The following EPS15L1 variants were observed in gnomAD, a reference collection of about 807,000 sequenced individuals.
EPS15L1 encodes epidermal growth factor receptor pathway substrate 15 like 1.
A neutral mutation model predicts 117.1 loss-of-function variants in EPS15L1; 43 were observed. The ratio of observed to expected loss-of-function variants is 0.37; its 90% CI spans 0.29 to 0.47. EPS15L1 has a LOEUF of 0.47. EPS15L1 is among the 20% of genes least tolerant of loss of function. The pLI is 0.99. For synonymous variants in EPS15L1, 459 were observed against 470.5 expected (o/e 0.98, Z 0.32); for missense variants, 981 against 1,164.0 (o/e 0.84, Z 2.29).
At chr19:16,400,356 C>CA (rs377693014) in intron 16 of EPS15L1, among the ~76,000 whole-genome samples, 221 of 122,878 alleles carry the variant, frequency 1.8e-3, no homozygotes, top group South Asian at 3.0e-3. Context: ...AAAACAAAAA[C>CA]AAAAAAAAAA....
chr19:16,425,352 A>C, intron 8 of EPS15L1, 36 bp from the exon 9 acceptor site: 2 of 1,450,920 alleles, frequency 1.4e-6, no homozygotes, highest in Non-Finnish European at 1.9e-6. Context: ...TGAAGGGGCA[A>C]GGCTGGGGCC....
intron 8 of EPS15L1, among the ~76,000 whole-genome samples, chr19:16,426,147 T>A (rs1399990700): frequency 1.3e-5 from 2 of 152,176 alleles, no homozygotes; most frequent in African/African-American, 4.8e-5. Flanking sequence ...CTTGACCCAG[T>A]GATGAATGTC....
intron 16 of EPS15L1, among the ~76,000 whole-genome samples, chr19:16,398,994 G>GT (rs201394637): frequency 0.11 from 16,987 of 148,658 alleles, 1,023 homozygotes; most frequent in Admixed American, 0.15. Flanking sequence ...TATTTATAAG[G>GT]TTTTTTTTTT....
At chr19:16,427,944 C>T (rs1450041691) in intron 8 of EPS15L1, among the ~76,000 whole-genome samples, 1 of 151,028 alleles carries the variant, frequency 6.6e-6, no homozygotes, top group Non-Finnish European at 1.5e-5. Context: ...TGGCTCACGC[C>T]TGTAATCCCA....
chr19:16,369,248 G>A (rs145452438), intron 22 of EPS15L1, among the ~76,000 whole-genome samples: 1 of 152,308 alleles, frequency 6.6e-6, no homozygotes, highest in African/African-American at 2.4e-5. Context: ...GCTGTGTCAA[G>A]CAGCACAGCC....
intron 21 of EPS15L1, among the ~76,000 whole-genome samples, chr19:16,378,118 G>A (rs1483170490): frequency 2.0e-5 from 3 of 152,028 alleles, no homozygotes; most frequent in Non-Finnish European, 4.4e-5. Flanking sequence ...GCGGGTGGGT[G>A]GATGGATGGA....
At chr19:16,447,206 G>T (rs1226993214) in intron 1 of EPS15L1, among the ~76,000 whole-genome samples, 2 of 152,252 alleles carry the variant, frequency 1.3e-5, no homozygotes, top group East Asian at 1.9e-4. Context: ...ACATTCAAAA[G>T]GCATCAGGGA....
intron 1 of EPS15L1, among the ~76,000 whole-genome samples, chr19:16,464,806 G>A (rs901474673): frequency 1.3e-4 from 19 of 151,904 alleles, no homozygotes; most frequent in African/African-American, 3.6e-4. Context: ...ATTCACGGGT[G>A]GGCATGGTGG....
Position 16,417,966 on chromosome 19 carries a change from C to T in EPS15L1, c.1089G>A (p.Glu363=). The T allele has an allele frequency of 6.2e-7, 1 of 1,613,782 alleles. No individual in the cohort carries two copies. The highest frequency in any genetic ancestry group is 2.2e-5 in the East Asian group (1 of 44,886). ...VLSPDMVPPS[E]RGTPGPDSSG... is the part of the protein sequence containing the mutation. ...CACTCACCGGGCCGGGCGTGCCTCT[C>T]TCCGAAGGCGGGACCATGTCCGGCG... The change falls in exon 11 of 24, where the codon GAG becomes GAA. Residue 363 remains glutamate (E), a synonymous_variant. Coordinates refer to ENST00000455140, the MANE Select transcript of EPS15L1 (RefSeq NM_001258374.3).
At chr19:16,452,785 ATTTTATTT>A (rs1039077457) in intron 1 of EPS15L1, among the ~76,000 whole-genome samples, 119 of 151,954 alleles carry the variant, frequency 7.8e-4, no homozygotes, top group African/African-American at 2.4e-3. Context: ...CTCTACATCT[ATTTTATTT>A]TTTTATTTTT....
chr19:16,451,462 T>C (rs1399663435), intron 1 of EPS15L1, among the ~76,000 whole-genome samples: 2 of 152,144 alleles, frequency 1.3e-5, no homozygotes, highest in Admixed American at 6.5e-5. Context: ...TGTGGTTATG[T>C]AAAGGAAAAC....
intron 9 of EPS15L1, among the ~76,000 whole-genome samples, chr19:16,422,710 A>G (rs2092829010): frequency 6.6e-6 from 1 of 152,194 alleles, no homozygotes; most frequent in Non-Finnish European, 1.5e-5. Flanking sequence ...TAATCCCAGC[A>G]CTTTGGGAGG....
At chr19:16,419,710 C>A (rs527487663) in intron 10 of EPS15L1, among the ~76,000 whole-genome samples, 201 of 152,358 alleles carry the variant, frequency 1.3e-3, no homozygotes, top group African/African-American at 4.6e-3. Context: ...GTGAACAGAG[C>A]TGCGGAGAAT....
rs1395908019 is a variant in EPS15L1, at chr19:16,417,411, C to G, written c.1193+141G>C. Reference sequence around the variant, plus strand: ...CAAGCCCCTTGAGCCAGTTTAGGACCTCAGAAGCTGTATCTTTTCCTTCCT... The same window carrying G: ...CAAGCCCCTTGAGCCAGTTTAGGACGTCAGAAGCTGTATCTTTTCCTTCCT... On this transcript the variant is annotated intron_variant, in intron 12 of 23. Transcript: ENST00000455140. 4 of 718,524 alleles carry G rather than the reference C, an allele frequency of 5.6e-6. No individual in the cohort carries two copies. The African/African-American group carries it at 7.1e-5, about 13-fold the overall frequency. 44.5% of individuals were successfully genotyped at this position (718,524 alleles called of 1,614,324 possible). A position where few individuals can be genotyped will look rare whatever the true frequency, so the allele number is the denominator to read the frequency against.
chr19:16,449,962 T>C (rs1356764555), intron 1 of EPS15L1, among the ~76,000 whole-genome samples: 2 of 151,720 alleles, frequency 1.3e-5, no homozygotes, highest in South Asian at 2.1e-4. Flanking sequence ...ATTGTAGAAA[T>C]GAACAGAGTG....
Position 16,413,857 on chromosome 19 carries a change from A to C in EPS15L1, c.1194-12T>G, listed in dbSNP as rs2092731371. On this transcript the variant is annotated splice_polypyrimidine_tract_variant and intron_variant, in intron 12 of 23. Coordinates refer to ENST00000455140, the MANE Select transcript of EPS15L1 (RefSeq NM_001258374.3). Reference sequence around the variant, plus strand: ...GTGAATATTTCTCTCTGAATGTTTAAAAATATTTCATGAAAACAAGAGTGA... The same window carrying C: ...GTGAATATTTCTCTCTGAATGTTTACAAATATTTCATGAAAACAAGAGTGA... 1.2e-6 allele frequency: 2 copies of C among 1,600,922 alleles called. No individual in the cohort carries two copies. Among genetic ancestry groups the C allele is most frequent in the South Asian group, 2.2e-5 (2 of 90,822 alleles).
intron 23 of EPS15L1, chr19:16,356,651 CACTT>C (rs2091984265): frequency 6.6e-6 from 1 of 152,178 alleles, no homozygotes; most frequent in Admixed American, 6.5e-5. Flanking sequence ...AAAGGTGTGG[CACTT>C]ACACTGCCAT....
At chr19:16,374,393 C>T (rs1306896439) in intron 22 of EPS15L1, among the ~76,000 whole-genome samples, 1 of 152,208 alleles carries the variant, frequency 6.6e-6, no homozygotes, top group African/African-American at 2.4e-5. Flanking sequence ...TAAAGGAGCC[C>T]AGGACCCCCT....
At chr19:16,367,767 A>G (rs1386767129) in intron 22 of EPS15L1, among the ~76,000 whole-genome samples, 1 of 151,092 alleles carries the variant, frequency 6.6e-6, no homozygotes, top group Non-Finnish European at 1.5e-5. Context: ...AAAAAAAAAA[A>G]AAAAACCCAA....
Sources: gnomAD v4.1 joint callset for allele counts (sites outside exome capture counted in the v4.1 genomes callset) on GRCh38, gnomAD v4.1.1 for gene constraint, MANE v1.5 for transcripts, NCBI Gene and HGNC (gene_info 2026-07-23, HGNC 2026-07-21) for gene names.